The following TBC1D15 variants were observed in gnomAD, a reference collection of about 807,000 sequenced individuals.
The protein encoded by TBC1D15 is GAP for RAB7.
Under a neutral mutation model 95.4 loss-of-function variants are expected in TBC1D15, and 39 were observed. The ratio of observed to expected loss-of-function variants is 0.41; its 90% CI spans 0.32 to 0.53. The LOEUF is 0.53. Ranked by LOEUF, TBC1D15 falls within the 20% of genes least tolerant of loss-of-function variation. The probability of loss-of-function intolerance (pLI) is 0.29; values close to 1 mark genes in which losing one functional copy is unlikely to be tolerated. For synonymous variants in TBC1D15, 258 were observed against 261.3 expected (o/e 0.99, Z 0.12); for missense variants, 733 against 794.3 (o/e 0.92, Z 0.93).
Position 71,894,723 on chromosome 12 carries a change from G to A in TBC1D15, c.695G>A (p.Gly232Glu), listed in dbSNP as rs1446660638. The change falls in exon 7 of 17, where the codon GGA becomes GAA. Residue 232 changes from glycine to glutamate, a missense_variant. Transcript: ENST00000485960. ...KKDPYTATMI[G>E]FSKVTNYIFD... The stretch of plus-strand genomic sequence containing the variant: ...GACCCTTATACGGCAACTATGATAG[G>A]ATTTTCCAAAGTCACAAACTACATT... 1.9e-6 allele frequency: 3 copies of A among 1,613,022 alleles called. No individual in the cohort carries two copies. Among genetic ancestry groups the A allele is most frequent in the Non-Finnish European group, 2.5e-6 (3 of 1,179,310 alleles).
chr12:71,917,559 G>T, intron 12 of TBC1D15, 139 bp from the exon 13 acceptor site: 3 of 489,602 alleles, frequency 6.1e-6, no homozygotes, highest in Non-Finnish European at 7.1e-6. Context: ...TAGATTTTTG[G>T]TTAGTTACGC....
intron 1 of TBC1D15, among the ~76,000 whole-genome samples, chr12:71,862,820 T>C (rs1459731751): frequency 2.0e-5 from 3 of 152,188 alleles, no homozygotes. Flanking sequence ...TAGCAATGAG[T>C]TTTATACTTT....
intron 1 of TBC1D15, chr12:71,849,473 A>G: frequency 1.1e-6 from 1 of 884,268 alleles, no homozygotes; most frequent in East Asian, 2.5e-5. Flanking sequence ...AACTCATTCC[A>G]AAAGCAACTT....
intron 11 of TBC1D15, 50 bp downstream of exon 11, chr12:71,907,188 A>C (rs1319079404): frequency 8.6e-7 from 1 of 1,161,880 alleles, no homozygotes; most frequent in South Asian, 1.5e-5. Context: ...TATTTACTTT[A>C]GAGTTTACAT....
Position 71,896,763 on chromosome 12 carries a change from A to G in TBC1D15, c.1071A>G (p.Gln357=), listed in dbSNP as rs764714899. ...PWDSTKEERT[Q]LQKQKTDEYF... ...ACAGTACCAAGGAGGAAAGAACCCA[A>G]TTACAAAAGCAAAAAACGTAAGTAA... The change falls in exon 9 of 17, where the codon CAA becomes CAG. Residue 357 remains glutamine (Q), a synonymous_variant. Coordinates refer to ENST00000485960, the MANE Select transcript of TBC1D15 (RefSeq NM_001146213.3). The G allele has an allele frequency of 1.5e-5, 24 of 1,610,962 alleles. No individual in the cohort carries two copies. Among genetic ancestry groups the G allele is most frequent in the Admixed American group, 5.1e-5 (3 of 59,402 alleles).
intron 10 of TBC1D15, among the ~76,000 whole-genome samples, chr12:71,906,714 A>G (rs1027369781): frequency 1.3e-5 from 2 of 151,522 alleles, no homozygotes; most frequent in African/African-American, 4.9e-5. Context: ...AATGCAAATT[A>G]TTACTTAGTG....
At chr12:71,921,854 T>G (rs540921281) in intron 16 of TBC1D15, among the ~76,000 whole-genome samples, 1 of 152,236 alleles carries the variant, frequency 6.6e-6, no homozygotes, top group Non-Finnish European at 1.5e-5. Context: ...CACTCACTTA[T>G]ATTAGTCAAG....
intron 3 of TBC1D15, among the ~76,000 whole-genome samples, chr12:71,874,003 T>G (rs1893230924): frequency 6.6e-6 from 1 of 152,224 alleles, no homozygotes; most frequent in Non-Finnish European, 1.5e-5. Context: ...TCACATCATC[T>G]TCCATTTGTT....
intron 5 of TBC1D15, among the ~76,000 whole-genome samples, chr12:71,887,695 A>G (rs1047308591): frequency 1.3e-5 from 2 of 152,122 alleles, no homozygotes; most frequent in African/African-American, 2.4e-5. Flanking sequence ...TAGTTTTCCT[A>G]TCTCTGCTCC....
chr12:71,850,162 G>C, intron 1 of TBC1D15: 1 of 562,784 alleles, frequency 1.8e-6, no homozygotes, highest in Non-Finnish European at 3.5e-6. Context: ...ATTATTTCTG[G>C]CTGTGATACT....
At chr12:71,908,256 C>T (rs1391135200) in intron 11 of TBC1D15, among the ~76,000 whole-genome samples, 1 of 152,090 alleles carries the variant, frequency 6.6e-6, no homozygotes, top group African/African-American at 2.4e-5. Flanking sequence ...ACTTAAGGAA[C>T]CATTATTTTA....
intron 1 of TBC1D15, among the ~76,000 whole-genome samples, chr12:71,871,619 A>G (rs1892705958): frequency 6.6e-6 from 1 of 152,204 alleles, no homozygotes; most frequent in Non-Finnish European, 1.5e-5. Flanking sequence ...TTCTTGCAGT[A>G]TTGTCCAGGC....
At chr12:71,915,604 A>AT (rs1248565695) in intron 12 of TBC1D15, among the ~76,000 whole-genome samples, 16 of 152,218 alleles carry the variant, frequency 1.1e-4, no homozygotes, top group Admixed American at 8.5e-4. Context: ...TATAGGTCTC[A>AT]TATGTAAAGA....
At chr12:71,872,289 G>A (rs1282284149) in intron 2 of TBC1D15, 121 bp downstream of exon 2, 1 of 523,882 alleles carries the variant, frequency 1.9e-6, no homozygotes, top group Non-Finnish European at 3.3e-6. Context: ...AACAGTAATT[G>A]TAAATTTAAC....
At chr12:71,922,385 A>G (rs1179355271) in intron 16 of TBC1D15, among the ~76,000 whole-genome samples, 2 of 148,726 alleles carry the variant, frequency 1.3e-5, no homozygotes, top group Non-Finnish European at 3.0e-5. Flanking sequence ...ACGCCCGGCC[A>G]TGACTGCATT....
At chr12:71,909,970 T>A (rs1478807118) in intron 11 of TBC1D15, among the ~76,000 whole-genome samples, 1 of 152,098 alleles carries the variant, frequency 6.6e-6, no homozygotes. Flanking sequence ...TAAAATAAAA[T>A]AGCTTAGGGT....
chr12:71,895,016 C>A, intron 7 of TBC1D15, 133 bp downstream of exon 7: 1 of 746,566 alleles, frequency 1.3e-6, no homozygotes, highest in Non-Finnish European at 2.1e-6. Context: ...GCTAGTATAT[C>A]TGACAATGAG....
At chr12:71,879,295 GCTAA>G (rs1410395169) in intron 3 of TBC1D15, among the ~76,000 whole-genome samples, 1 of 151,974 alleles carries the variant, frequency 6.6e-6, no homozygotes, top group African/African-American at 2.4e-5. Flanking sequence ...ACCATGTCTG[GCTAA>G]CTTTTTTGTA....
intron 5 of TBC1D15, among the ~76,000 whole-genome samples, chr12:71,889,640 T>C (rs1896872841): frequency 6.6e-6 from 1 of 152,196 alleles, no homozygotes; most frequent in African/African-American, 2.4e-5. Context: ...TCTTTTTTGT[T>C]TTAACTTTTA....
Sources: gnomAD v4.1 joint callset for allele counts (sites outside exome capture counted in the v4.1 genomes callset) on GRCh38, gnomAD v4.1.1 for gene constraint, MANE v1.5 for transcripts, NCBI Gene and HGNC (gene_info 2026-07-23, HGNC 2026-07-21) for gene names.